LAPTM4A: variants seen among roughly 807,000 people sequenced by gnomAD.
LAPTM4A encodes the protein lysosomal protein transmembrane 4 alpha.
A neutral mutation model predicts 29.9 loss-of-function variants in LAPTM4A; 19 were observed. The ratio of observed to expected loss-of-function variants is 0.64; its 90% CI spans 0.44 to 0.93. The LOEUF (loss-of-function observed/expected upper bound fraction) is 0.93. LAPTM4A is among the 40% of genes least tolerant of loss of function. LAPTM4A has a pLI of 0.00. For missense variants in LAPTM4A, 293 were observed against 288.5 expected (o/e 1.02, Z -0.11); for synonymous variants, 105 against 102.1 (o/e 1.03, Z -0.17).
chr2:20,051,611 A>C lies in LAPTM4A; in HGVS notation c.-91T>G. ...AAACGGCTGTTTCACGGCCTCCAAA[A>C]CCCAACGACGCGTCTTCAAACCCGC... On this transcript the variant is annotated 5_prime_UTR_variant, in exon 1 of 7. Transcript: ENST00000175091. The C allele has an allele frequency of 3.8e-6, 3 of 796,610 alleles. No homozygotes were observed. The highest frequency in any genetic ancestry group is 1.8e-5 in the African/African-American group (1 of 57,090). 49.3% of individuals were successfully genotyped at this position (796,610 alleles called of 1,614,324 possible). A position where few individuals can be genotyped will look rare whatever the true frequency, so the allele number is the denominator to read the frequency against.
intron 1 of LAPTM4A, among the ~76,000 whole-genome samples, chr2:20,047,528 A>G (rs111988350): frequency 0.15 from 22,794 of 147,850 alleles, 2,255 homozygotes; most frequent in East Asian, 0.44. Flanking sequence ...GTCTCTACTA[A>G]AAATACAAAA....
Position 20,033,129 on chromosome 2 carries a change from G to T in LAPTM4A, c.*76C>A. Reference sequence around the variant, plus strand: ...ATTTTATATCAAACAAGTTTGAAGAGCCCTGAATTGCAGCATTCTGTAACA... The same window carrying T: ...ATTTTATATCAAACAAGTTTGAAGATCCCTGAATTGCAGCATTCTGTAACA... On this transcript the variant is annotated 3_prime_UTR_variant, in exon 7 of 7. Transcript: ENST00000175091. The T allele has an allele frequency of 8.6e-7, 1 of 1,161,916 alleles. No homozygotes were observed. The highest frequency in any genetic ancestry group is 1.3e-6 in the Non-Finnish European group (1 of 769,418). The allele number at this position is 1,161,916 out of a possible 1,614,324, so 72.0% of individuals were successfully genotyped here.
In LAPTM4A at chr2:20,037,593, G is replaced by C; in HGVS notation, c.254C>G (p.Ala85Gly). The C allele has an allele frequency of 6.2e-7, 1 of 1,605,564 alleles. No individual in the cohort carries two copies. The highest frequency in any genetic ancestry group is 1.1e-5 in the South Asian group (1 of 89,252). The change falls in exon 3 of 7, where the codon GCC becomes GGC. Residue 85 changes from alanine to glycine, a missense_variant. Ala to Gly is a moderately conservative substitution (Grantham distance 60). Transcript: ENST00000175091. ...GATTATAAACATAAGAACAGAGACG[G>C]CAAAAAGAACACAGGCATTATCTAA... ...RMADNACVLF[A>G]VSVLMFIISS...
At chr2:20,034,180 A>G (rs989013772) in intron 6 of LAPTM4A, 137 bp downstream of exon 6, 3 of 689,972 alleles carry the variant, frequency 4.3e-6, no homozygotes, top group Non-Finnish European at 7.9e-6. Context: ...GTGGATTTTA[A>G]GCTGTTCATA....
At chr2:20,034,440 C>A in intron 5 of LAPTM4A, 25 bp from the exon 6 acceptor site, 1 of 1,486,862 alleles carries the variant, frequency 6.7e-7, no homozygotes. Flanking sequence ...ACAAAGTTGA[C>A]ATCTGCTAGA....
At chr2:20,045,718 C>T (rs1005230539) in intron 1 of LAPTM4A, among the ~76,000 whole-genome samples, 1 of 152,168 alleles carries the variant, frequency 6.6e-6, no homozygotes, top group Non-Finnish European at 1.5e-5. Flanking sequence ...TCCATGGAAG[C>T]ACAGGGCCTG....
At chr2:20,037,850 G>A (rs1387257620) in intron 2 of LAPTM4A, among the ~76,000 whole-genome samples, 1 of 151,906 alleles carries the variant, frequency 6.6e-6, no homozygotes, top group African/African-American at 2.4e-5. Context: ...ACGACTCACT[G>A]ACATGGGTGT....
chr2:20,049,096 A>G (rs992923556), intron 1 of LAPTM4A, among the ~76,000 whole-genome samples: 1 of 152,216 alleles, frequency 6.6e-6, no homozygotes, highest in Admixed American at 6.5e-5. Context: ...TATGTTTTTC[A>G]TATCTGTGCT....
At chr2:20,037,466 T>A in intron 3 of LAPTM4A, 28 bp from the exon 4 acceptor site, 1 of 1,605,534 alleles carries the variant, frequency 6.2e-7, no homozygotes. Flanking sequence ...ACCATAACAT[T>A]GTATCACATA....
chr2:20,043,717 T>C (rs1673855989), intron 1 of LAPTM4A, among the ~76,000 whole-genome samples: 1 of 152,358 alleles, frequency 6.6e-6, no homozygotes, highest in Admixed American at 6.5e-5. Context: ...CCAATATTTA[T>C]TGAGGATATG....
intron 2 of LAPTM4A, among the ~76,000 whole-genome samples, chr2:20,037,819 C>G (rs1673712830): frequency 6.6e-6 from 1 of 151,490 alleles, no homozygotes; most frequent in African/African-American, 2.4e-5. Context: ...ACACAAAGCA[C>G]TTATTTGTTA....
At chr2:20,046,995 T>C (rs751315634) in intron 1 of LAPTM4A, among the ~76,000 whole-genome samples, 12 of 151,482 alleles carry the variant, frequency 7.9e-5, no homozygotes, top group Non-Finnish European at 1.6e-4. Flanking sequence ...AGGACAATCC[T>C]ACCAATGTGT....
intron 1 of LAPTM4A, among the ~76,000 whole-genome samples, chr2:20,047,588 G>A (rs1297674041): frequency 1.3e-5 from 2 of 150,226 alleles, no homozygotes; most frequent in African/African-American, 4.9e-5. Context: ...TACTCGGGAG[G>A]CTGAGGCAGG....
At chr2:20,040,741 A>T in intron 2 of LAPTM4A, 150 bp downstream of exon 2, 1 of 724,182 alleles carries the variant, frequency 1.4e-6, no homozygotes, top group Non-Finnish European at 2.3e-6. Flanking sequence ...AGGCTACGCT[A>T]TCTAGGTTTG....
chr2:20,040,839 G>A (rs1673780356), intron 2 of LAPTM4A, 52 bp downstream of exon 2: 1 of 1,528,760 alleles, frequency 6.5e-7, no homozygotes, highest in African/African-American at 1.4e-5. Context: ...ACACAGGACT[G>A]TATATAAAAA....
chr2:20,051,309 T>TA, intron 1 of LAPTM4A, 101 bp downstream of exon 1: 8 of 751,262 alleles, frequency 1.1e-5, no homozygotes, highest in East Asian at 2.8e-5. Context: ...CCCCTCCAAG[T>TA]CCCCGCCCCA....
At chr2:20,034,787 C>G (rs1242804132) in intron 5 of LAPTM4A, among the ~76,000 whole-genome samples, 180 bp downstream of exon 5, 1 of 152,178 alleles carries the variant, frequency 6.6e-6, no homozygotes, top group African/African-American at 2.4e-5. Context: ...ACAGTTACAA[C>G]CATTCCTTGG....
At position 20,032,652 on chromosome 2, in the gene LAPTM4A, A is replaced by C. The variant is rs1350276090; in HGVS notation, c.*553T>G. 6.6e-6 allele frequency: 1 copy of C among 152,536 alleles called. No homozygotes were observed. The highest frequency in any genetic ancestry group is 1.5e-5 in the Non-Finnish European group (1 of 68,254). The allele number at this position is 152,536 out of a possible 1,614,324, so 9.4% of individuals were successfully genotyped here. ...CGGATTAAAAACAATGACAACCCTAAGTATTTAAAGAGATTTATTAAATCA... is the reference window on the plus strand; with the variant it reads ...CGGATTAAAAACAATGACAACCCTACGTATTTAAAGAGATTTATTAAATCA... On this transcript the variant is annotated 3_prime_UTR_variant, in exon 7 of 7. Coordinates refer to ENST00000175091, the MANE Select transcript of LAPTM4A (RefSeq NM_014713.5).
At chr2:20,035,139 G>A (rs1467253254) in intron 4 of LAPTM4A, 77 bp from the exon 5 acceptor site, 1 of 912,344 alleles carries the variant, frequency 1.1e-6, no homozygotes, top group Non-Finnish European at 1.8e-6. Context: ...AGCATCTGAA[G>A]AATACAAAGG....
Sources: allele counts gnomAD v4.1 joint callset (sites outside exome capture counted in the v4.1 genomes callset), GRCh38; gene constraint gnomAD v4.1.1; transcripts MANE v1.5; gene names NCBI Gene and HGNC (gene_info 2026-07-23, HGNC 2026-07-21).